SLC44A5: variants seen among roughly 807,000 people sequenced by gnomAD.
The protein encoded by SLC44A5 is choline transporter-like protein 5.
A neutral mutation model predicts 101.8 loss-of-function variants in SLC44A5; 57 were observed. The ratio of observed to expected loss-of-function variants is 0.56; its 90% CI spans 0.45 to 0.70. The LOEUF is 0.70. SLC44A5 is among the 30% of genes least tolerant of loss of function. The pLI, the probability that SLC44A5 is intolerant of heterozygous loss-of-function variation, is 0.00. For missense variants in SLC44A5, 737 were observed against 853.1 expected, an observed-to-expected ratio of 0.86 and a Z score of 1.70; for synonymous variants, 281 against 290.9, an observed-to-expected ratio of 0.97 and a Z score of 0.35.
chr1:75,692,551 G>T, the SLC44A5 span, among the ~76,000 whole-genome samples: 1 of 152,056 alleles, frequency 6.6e-6, no homozygotes, highest in African/African-American at 2.4e-5. Context: ...GAGCATTAAT[G>T]GTTTATTTCA....
chr1:75,713,831 G>A, the SLC44A5 span, among the ~76,000 whole-genome samples: 38 of 152,236 alleles, frequency 2.5e-4, no homozygotes, highest in Middle Eastern at 3.4e-3. Flanking sequence ...ACTGAGATCC[G>A]ACACTTTGTT....
intron 1 of SLC44A5, among the ~76,000 whole-genome samples, chr1:75,601,810 A>C (rs1326517764): frequency 1.3e-5 from 2 of 151,956 alleles, no homozygotes; most frequent in Non-Finnish European, 2.9e-5. Flanking sequence ...CCACCTTCCC[A>C]CCCCGAGTTG....
At chr1:75,545,102 G>T (rs576424873) in intron 1 of SLC44A5, among the ~76,000 whole-genome samples, 2 of 152,002 alleles carry the variant, frequency 1.3e-5, no homozygotes, top group Non-Finnish European at 2.9e-5. Flanking sequence ...GTGGGAACAT[G>T]CAGTGTTTGG....
intron 2 of SLC44A5, among the ~76,000 whole-genome samples, chr1:75,455,193 G>A (rs151186679): frequency 6.6e-6 from 1 of 151,902 alleles, no homozygotes; most frequent in Non-Finnish European, 1.5e-5. Context: ...ACAGAATAGA[G>A]AACTCAGAAA....
chr1:75,365,139 C>A (rs1010895953), intron 3 of SLC44A5, among the ~76,000 whole-genome samples: 1 of 151,942 alleles, frequency 6.6e-6, no homozygotes, highest in Non-Finnish European at 1.5e-5. Flanking sequence ...TTGAATAACA[C>A]AGGATTTCTT....
intron 5 of SLC44A5, among the ~76,000 whole-genome samples, chr1:75,293,710 G>A (rs1249182752): frequency 6.6e-6 from 1 of 152,116 alleles, no homozygotes; most frequent in Non-Finnish European, 1.5e-5. Flanking sequence ...CATTTCACAG[G>A]TGGCCTCTTC....
intron 13 of SLC44A5, 88 bp downstream of exon 13, chr1:75,227,637 CA>C (rs1298346180): frequency 2.4e-5 from 24 of 1,001,938 alleles, no homozygotes; most frequent in Admixed American, 1.1e-4. Flanking sequence ...ATACATTTAA[CA>C]GGTTATACCA....
intron 4 of SLC44A5, among the ~76,000 whole-genome samples, chr1:75,338,990 T>G (rs1657660980): frequency 6.6e-6 from 1 of 152,178 alleles, no homozygotes; most frequent in Non-Finnish European, 1.5e-5. Context: ...CTAAAATAAA[T>G]AATAAGAGGA....
At chr1:75,206,981 C>G (rs1227639977) in intron 23 of SLC44A5, among the ~76,000 whole-genome samples, 1 of 152,140 alleles carries the variant, frequency 6.6e-6, no homozygotes, top group Non-Finnish European at 1.5e-5. Flanking sequence ...AGAAGATATT[C>G]TATGTCCCTT....
rs376630760 is a variant in SLC44A5 at position 75,369,095 on chromosome 1, C to T, written c.52+27488G>A. ...TGCCATAATCCATAACTCACTGCAGCCTCCAATTCCTGGGCTCAGGGAATC... is the reference window on the plus strand; with the variant it reads ...TGCCATAATCCATAACTCACTGCAGTCTCCAATTCCTGGGCTCAGGGAATC... On this transcript the variant is annotated intron_variant, in intron 3 of 23. Coordinates refer to ENST00000370859, the MANE Select transcript of SLC44A5 (RefSeq NM_001130058.2). 2.9e-4 allele frequency among the ~76,000 whole-genome samples: 44 copies of T among 152,148 alleles called. No homozygotes were observed. In the South Asian group the frequency reaches 8.9e-3, roughly 31 times the overall value.
At chr1:75,525,187 A>G (rs1670344300) in intron 2 of SLC44A5, among the ~76,000 whole-genome samples, 1 of 152,192 alleles carries the variant, frequency 6.6e-6, no homozygotes, top group Admixed American at 6.5e-5. Context: ...GTGCTAAGGT[A>G]TTAACCAACA....
At chr1:75,535,973 C>T (rs1207561339) in intron 2 of SLC44A5, among the ~76,000 whole-genome samples, 1 of 146,406 alleles carries the variant, frequency 6.8e-6, no homozygotes, top group Non-Finnish European at 1.5e-5. Flanking sequence ...CTTTGGGAGG[C>T]GGAGGCGGGA....
chr1:75,324,801 T>C (rs1234036894), intron 4 of SLC44A5, among the ~76,000 whole-genome samples: 2 of 152,212 alleles, frequency 1.3e-5, no homozygotes, highest in African/African-American at 4.8e-5. Context: ...TTTTAACCCA[T>C]AATTTTTATC....
intron 2 of SLC44A5, among the ~76,000 whole-genome samples, chr1:75,423,550 C>T (rs571570259): frequency 4.6e-4 from 70 of 152,294 alleles, no homozygotes; most frequent in Admixed American, 1.8e-3. Flanking sequence ...ATGAAGCTTT[C>T]GCATCATATT....
chr1:75,610,968 G>T (rs776221316), intron 1 of SLC44A5, 72 bp downstream of exon 1: 3 of 505,896 alleles, frequency 5.9e-6, no homozygotes, highest in Non-Finnish European at 7.7e-6. Flanking sequence ...TATAGAATAC[G>T]TACTTATGAA....
chr1:75,557,747 T>C (rs149386389), intron 1 of SLC44A5, among the ~76,000 whole-genome samples: 67 of 152,236 alleles, frequency 4.4e-4, no homozygotes, highest in African/African-American at 1.3e-3. Context: ...TGTCCAGTAT[T>C]TTGGTCAATT....
intron 1 of SLC44A5, among the ~76,000 whole-genome samples, chr1:75,604,444 T>C (rs1675199662): frequency 6.6e-6 from 1 of 152,174 alleles, no homozygotes; most frequent in Non-Finnish European, 1.5e-5. Context: ...AGCCAGGTAA[T>C]GTGATGCTTC....
intron 2 of SLC44A5, among the ~76,000 whole-genome samples, chr1:75,418,498 C>T (rs1038514992): frequency 6.6e-6 from 1 of 152,166 alleles, no homozygotes; most frequent in East Asian, 1.9e-4. Flanking sequence ...AAGTGGCATT[C>T]AAGCCTATGT....
intron 5 of SLC44A5, among the ~76,000 whole-genome samples, chr1:75,296,244 C>G (rs1653948438): frequency 6.6e-6 from 1 of 152,106 alleles, no homozygotes; most frequent in Non-Finnish European, 1.5e-5. Flanking sequence ...GAAGCAATCA[C>G]AAGCCTGACC....
Sources: allele counts gnomAD v4.1 joint callset (sites outside exome capture counted in the v4.1 genomes callset), GRCh38; gene constraint gnomAD v4.1.1; transcripts MANE v1.5; gene names NCBI Gene and HGNC (gene_info 2026-07-23, HGNC 2026-07-21).